The following SLC35D2 variants were observed in gnomAD, a reference collection of about 807,000 sequenced individuals.
SLC35D2 encodes nucleotide sugar transporter SLC35D2.
Under a neutral mutation model 41.8 loss-of-function variants are expected in SLC35D2, and 43 were observed. The observed-to-expected ratio is 1.03, with a 90% confidence interval of 0.81 to 1.33. The LOEUF is 1.33. Among genes scored for constraint, SLC35D2 ranks in the 40% most tolerant of loss-of-function variants. The pLI is 0.00. For missense variants in SLC35D2, 380 were observed against 408.4 expected (o/e 0.93, Z 0.60); for synonymous variants, 150 against 163.9 (o/e 0.92, Z 0.65).
chr9:96,376,564 G>A (rs868616162), intron 1 of SLC35D2, among the ~76,000 whole-genome samples: 8 of 151,900 alleles, frequency 5.3e-5, no homozygotes, highest in African/African-American at 1.4e-4. Context: ...AGCCGAGATC[G>A]TGCCATTGCA....
chr9:96,348,213 A>C (rs1829661686), intron 6 of SLC35D2, among the ~76,000 whole-genome samples: 1 of 152,188 alleles, frequency 6.6e-6, no homozygotes, highest in African/African-American at 2.4e-5. Context: ...CACCCAGCCC[A>C]GATGTATTTT....
chr9:96,358,177 C>T (rs1385727267), intron 4 of SLC35D2, among the ~76,000 whole-genome samples: 1 of 145,764 alleles, frequency 6.9e-6, no homozygotes, highest in Non-Finnish European at 1.5e-5. Flanking sequence ...CATGGATAAA[C>T]CTTGAAAATA....
chr9:96,321,209 C>G lies in SLC35D2; in HGVS notation c.*33G>C, dbSNP rs769660787. ...TGGGAATGCCCCCCCAGCCCGCAGTCACAAGTCAGTCTCCAATCCTGCTGC... is the reference window on the plus strand; with the variant it reads ...TGGGAATGCCCCCCCAGCCCGCAGTGACAAGTCAGTCTCCAATCCTGCTGC... On this transcript the variant is annotated 3_prime_UTR_variant, in exon 12 of 12. Coordinates refer to ENST00000253270, the MANE Select transcript of SLC35D2 (RefSeq NM_007001.3). 6.5e-7 allele frequency: 1 copy of G among 1,534,994 alleles called. No homozygotes were observed. Among genetic ancestry groups the G allele is most frequent in the East Asian group, 2.2e-5 (1 of 44,494 alleles).
In SLC35D2 at chr9:96,352,114, C is replaced by A; in HGVS notation, c.348-5G>T. On this transcript the variant is annotated splice_polypyrimidine_tract_variant and splice_region_variant and intron_variant, in intron 4 of 11. Transcript: ENST00000253270. ...AGCACGGTGAACATCGGTAGGCTGC[C>A]AGGAAAAGAGTGAAGCATGTCAGAC... The A allele has an allele frequency of 6.2e-7, 1 of 1,607,548 alleles. No homozygotes were observed. Among genetic ancestry groups the A allele is most frequent in the East Asian group, 2.2e-5 (1 of 44,680 alleles).
At chr9:96,371,474 C>CAATAAAAA (rs1830675895) in intron 1 of SLC35D2, among the ~76,000 whole-genome samples, 1 of 46,644 alleles carries the variant, frequency 2.1e-5, no homozygotes, top group Non-Finnish European at 3.8e-5. Context: ...GACTCTGTCT[C>CAATAAAAA]AAAAAAAAAA....
At chr9:96,326,614 C>T (rs544850908) in intron 9 of SLC35D2, among the ~76,000 whole-genome samples, 1 of 151,820 alleles carries the variant, frequency 6.6e-6, no homozygotes, top group Admixed American at 6.6e-5. Flanking sequence ...CCATCCTGGC[C>T]AACATGGTGA....
chr9:96,315,796 GAAT>G (rs1276630494), downstream of SLC35D2, among the ~76,000 whole-genome samples: 3 of 151,962 alleles, frequency 2.0e-5, no homozygotes, highest in Non-Finnish European at 1.5e-5. Context: ...CTCCTTCTTT[GAAT>G]AATATTTTTA....
chr9:96,381,005 G>A (rs1216630172), intron 1 of SLC35D2, among the ~76,000 whole-genome samples: 1 of 152,192 alleles, frequency 6.6e-6, no homozygotes, highest in African/African-American at 2.4e-5. Context: ...TACCTCCGCT[G>A]CTATGCCCTG....
At chr9:96,335,255 G>C (rs1001964071) in intron 9 of SLC35D2, among the ~76,000 whole-genome samples, 1 of 152,216 alleles carries the variant, frequency 6.6e-6, no homozygotes, top group Non-Finnish European at 1.5e-5. Flanking sequence ...TGCCCGCTCA[G>C]GGAGGATACT....
Position 96,335,791 on chromosome 9 carries a change from C to G in SLC35D2, c.752+926G>C, listed in dbSNP as rs111818014. Among the ~76,000 whole-genome samples the G allele has an allele frequency of 1.1e-4, 16 of 152,152 alleles. No individual in the cohort carries two copies. The East Asian group carries it at 2.5e-3, about 24-fold the overall frequency. On this transcript the variant is annotated intron_variant, in intron 9 of 11. Coordinates refer to ENST00000253270, the MANE Select transcript of SLC35D2 (RefSeq NM_007001.3). ...GAACGGGGCCAGGCGCGGTGGCTCA[C>G]GCCTGTAATCCCAGCACTTTGGGAG...
At chr9:96,326,761 G>T (rs1031324354) in intron 9 of SLC35D2, among the ~76,000 whole-genome samples, 1 of 146,176 alleles carries the variant, frequency 6.8e-6, no homozygotes, top group Admixed American at 7.0e-5. Context: ...AGCCGGGATC[G>T]CACCACTGCA....
chr9:96,322,554 T>C (rs1828288541), intron 10 of SLC35D2, among the ~76,000 whole-genome samples: 1 of 152,062 alleles, frequency 6.6e-6, no homozygotes, highest in Admixed American at 6.6e-5. Context: ...CATATGGGGC[T>C]TACTAAATAA....
exon 12 of SLC35D2, chr9:96,314,816 T>C (rs1828011834): frequency 1.3e-5 from 2 of 152,168 alleles, no homozygotes; most frequent in African/African-American, 2.4e-5. Flanking sequence ...CTTCTCCCAG[T>C]TGGATCCAAT....
chr9:96,383,418 C>G (rs1587736407), intron 1 of SLC35D2, 59 bp downstream of exon 1: 3 of 1,394,704 alleles, frequency 2.2e-6, no homozygotes, highest in Non-Finnish European at 2.9e-6. Context: ...CTGAAGCGCA[C>G]GGAGGACAGG....
chr9:96,353,360 T>TTTATTTAG (rs751424130), intron 4 of SLC35D2, among the ~76,000 whole-genome samples: 1 of 151,832 alleles, frequency 6.6e-6, no homozygotes, highest in Non-Finnish European at 1.5e-5. Flanking sequence ...TATTTATTTA[T>TTTATTTAG]TTATTTATTT....
At chr9:96,319,786 C>T (rs556320633), downstream of SLC35D2, among the ~76,000 whole-genome samples, 2 of 152,334 alleles carry the variant, frequency 1.3e-5, no homozygotes, top group East Asian at 3.9e-4. Context: ...AGGCGTGAAC[C>T]GCCGCACCCA....
intron 1 of SLC35D2, among the ~76,000 whole-genome samples, chr9:96,374,986 G>T (rs1587724877): frequency 3.5e-5 from 5 of 144,820 alleles, no homozygotes; most frequent in South Asian, 2.2e-4. Context: ...TTTCTATTTT[G>T]TTTGAATTCT....
Position 96,383,429 on chromosome 9 carries a change from G to C in SLC35D2, c.158+48C>G, listed in dbSNP as rs1266097026. On this transcript the variant is annotated intron_variant, in intron 1 of 11. Coordinates refer to ENST00000253270, the MANE Select transcript of SLC35D2 (RefSeq NM_007001.3). ...GCCGCTGAAGCGCACGGAGGACAGGGGCAGCCCCGCACTCCCGCAGACCCC... is the reference window on the plus strand; with the variant it reads ...GCCGCTGAAGCGCACGGAGGACAGGCGCAGCCCCGCACTCCCGCAGACCCC... 2.7e-5 allele frequency: 39 copies of C among 1,461,242 alleles called. 1 individual carries two copies. Among genetic ancestry groups the C allele is most frequent in the Non-Finnish European group, 3.6e-5 (39 of 1,090,122 alleles). The allele number at this position is 1,461,242 out of a possible 1,614,324, so 90.5% of individuals were successfully genotyped here.
At chr9:96,343,044 A>C (rs559298068) in intron 8 of SLC35D2, among the ~76,000 whole-genome samples, 1 of 152,234 alleles carries the variant, frequency 6.6e-6, no homozygotes, top group East Asian at 1.9e-4. Flanking sequence ...CCCGCTGAGG[A>C]GGGTTTTGCC....
Sources: allele counts gnomAD v4.1 joint callset (sites outside exome capture counted in the v4.1 genomes callset), GRCh38; gene constraint gnomAD v4.1.1; transcripts MANE v1.5; gene names NCBI Gene and HGNC (gene_info 2026-07-23, HGNC 2026-07-21).